DNAH9: variants seen among roughly 807,000 people sequenced by gnomAD.
DNAH9 encodes the protein dynein axonemal heavy chain 9.
Under a neutral mutation model 471.6 loss-of-function variants are expected in DNAH9, and 345 were observed. The ratio of observed to expected loss-of-function variants is 0.73; its 90% confidence interval spans 0.67 to 0.80. The LOEUF (loss-of-function observed/expected upper bound fraction) is 0.80. Among genes scored for constraint, DNAH9 ranks in the 30% least tolerant of loss-of-function variants. DNAH9 has a pLI of 0.00. For synonymous variants in DNAH9, 2,093 were observed against 2,123.6 expected (o/e 0.99, Z 0.40); for missense variants, 5,407 against 5,609.2 (o/e 0.96, Z 1.15).
intron 21 of DNAH9, 125 bp downstream of exon 21, chr17:11,694,123 T>G (rs1216736064): frequency 7.5e-7 from 1 of 1,341,688 alleles, no homozygotes; most frequent in Non-Finnish European, 1.0e-6. Context: ...TGCCTGTGTG[T>G]TTGGGTAGCA....
chr17:11,811,700 G>A (rs889473113), intron 45 of DNAH9, among the ~76,000 whole-genome samples: 4 of 151,988 alleles, frequency 2.6e-5, no homozygotes, highest in Non-Finnish European at 5.9e-5. Context: ...CTCTACCTAG[G>A]ACGAAGTCTT....
At chr17:11,695,184 G>A (rs960569171) in intron 22 of DNAH9, among the ~76,000 whole-genome samples, 10 of 151,382 alleles carry the variant, frequency 6.6e-5, no homozygotes, top group East Asian at 2.0e-4. Context: ...CACTGCACCC[G>A]GCCACCTCGG....
At chr17:11,858,710 G>A (rs1182935939) in intron 50 of DNAH9, among the ~76,000 whole-genome samples, 1 of 152,158 alleles carries the variant, frequency 6.6e-6, no homozygotes, top group Admixed American at 6.5e-5. Flanking sequence ...AAGGCTATAA[G>A]TTGTCCATTT....
At chr17:11,780,000 G>A (rs955962269) in intron 38 of DNAH9, among the ~76,000 whole-genome samples, 2 of 152,178 alleles carry the variant, frequency 1.3e-5, no homozygotes, top group Non-Finnish European at 2.9e-5. Context: ...ATGGTTCTCA[G>A]AGCTTCCAGC....
chr17:11,947,808 G>A (rs71362121), intron 67 of DNAH9, among the ~76,000 whole-genome samples: 1 of 128,810 alleles, frequency 7.8e-6, no homozygotes, highest in Non-Finnish European at 1.6e-5. Context: ...TTGAGACAGA[G>A]TCTTGCTCTG....
chr17:11,722,786 G>A (rs2075083812), intron 27 of DNAH9, among the ~76,000 whole-genome samples: 2 of 152,146 alleles, frequency 1.3e-5, no homozygotes, highest in Admixed American at 6.5e-5. Context: ...CACTTTCTCT[G>A]AAAATGACTG....
Position 11,823,032 on chromosome 17 carries a change from CA to C in DNAH9, c.9245del (p.Gln3082ArgfsTer5). On this transcript the variant is annotated frameshift_variant and splice_region_variant, in exon 48 of 69. Transcript: ENST00000262442. LOFTEE classifies it high-confidence loss of function. ...GCTGAAGCTGCATAGCACCTCTGCC[CA>C]GGTGAGCAATGTCCCGCTCCTTCCA... is the stretch of plus-strand genomic sequence containing the variant. ...GLLKLHSTSA[Q>X]VDDLKAKLAA... is the part of the protein sequence containing the mutation. 6.2e-7 allele frequency: 1 copy of C among 1,610,956 alleles called. No individual in the cohort carries two copies. The highest frequency in any genetic ancestry group is 8.5e-7 in the Non-Finnish European group (1 of 1,178,394).
chr17:11,709,550 G>C (rs75224440), intron 26 of DNAH9, among the ~76,000 whole-genome samples: 270 of 152,224 alleles, frequency 1.8e-3, no homozygotes, highest in African/African-American at 6.2e-3. Context: ...TTCATTAAAA[G>C]CTCACCCGTT....
intron 19 of DNAH9, among the ~76,000 whole-genome samples, chr17:11,685,945 T>C (rs1313231916): frequency 4.0e-5 from 6 of 151,744 alleles, no homozygotes; most frequent in Non-Finnish European, 8.8e-5. Flanking sequence ...GCTGGGACTA[T>C]AGGTGCATGC....
At chr17:11,721,083 T>G (rs2075049208) in intron 27 of DNAH9, among the ~76,000 whole-genome samples, 1 of 152,134 alleles carries the variant, frequency 6.6e-6, no homozygotes, top group Non-Finnish European at 1.5e-5. Flanking sequence ...GTGTATTGAT[T>G]GAAGAAAATC....
At chr17:11,957,406 C>T (rs553169605) in intron 67 of DNAH9, among the ~76,000 whole-genome samples, 2 of 152,056 alleles carry the variant, frequency 1.3e-5, no homozygotes, top group Non-Finnish European at 2.9e-5. Context: ...ATTCCTCCTG[C>T]TAAGTATAAA....
At chr17:11,631,131 A>G (rs932047882) in intron 7 of DNAH9, among the ~76,000 whole-genome samples, 1 of 152,094 alleles carries the variant, frequency 6.6e-6, no homozygotes, top group Admixed American at 6.5e-5. Flanking sequence ...TTTCCAGGAC[A>G]GGAACAAAGA....
Position 11,942,318 on chromosome 17 carries a change from G to A in DNAH9, c.12676G>A (p.Glu4226Lys), listed in dbSNP as rs1597855939. ...TREEKVKALL[E>K]EILERVTDEF... ...TGTGGGGCAGGTCAAGGCACTTCTG[G>A]AAGAAATATTGGAGCGGGTGACAGA... Residue 4226 changes from glutamate to lysine, a missense_variant, in exon 67 of 69, where the codon GAA (glutamate) becomes AAA (lysine). Around this residue, in one of 3 missense-constraint regions of DNAH9, gnomAD observed 4,636 missense variants for 4,900.3 expected, o/e 0.95. Transcript: ENST00000262442. 6.2e-7 allele frequency: 1 copy of A among 1,614,064 alleles called. No homozygotes were observed. Among genetic ancestry groups the A allele is most frequent in the Non-Finnish European group, 8.5e-7 (1 of 1,179,950 alleles).
At chr17:11,644,767 G>T in intron 11 of DNAH9, 68 bp downstream of exon 11, 3 of 1,126,044 alleles carry the variant, frequency 2.7e-6, no homozygotes, top group South Asian at 1.3e-5. Flanking sequence ...TTGCAGCTCC[G>T]AGTTTGTGCA....
rs143953217 is a variant in DNAH9 at position 11,937,357 on chromosome 17, C to G, written c.12495C>G (p.Ile4165Met). 2,227 of 1,603,564 alleles carry G rather than the reference C, an allele frequency of 1.4e-3. 3 individuals are homozygous for G. The highest frequency in any genetic ancestry group is 1.8e-3 in the Non-Finnish European group (2,082 of 1,175,460). The change falls in exon 66 of 69, where the codon ATC (isoleucine) becomes ATG (methionine). Residue 4165 changes from isoleucine to methionine, a missense_variant. Ile to Met is a conservative substitution (Grantham distance 10, BLOSUM62 1). Coordinates refer to ENST00000262442, the MANE Select transcript of DNAH9 (RefSeq NM_001372.4). This position sits in a 1 kb window ranked among gnomAD's most constrained non-coding sequence, Gnocchi z 4.1. ...NMDYNGYHQYIDAELPPESPY... is the reference protein window; with the variant it reads ...NMDYNGYHQYMDAELPPESPY... Reference sequence around the variant, plus strand: ...AGCTTGCCCTTGATTTTCAGTACATCGATGCTGAGCTGCCCCCAGAATCCC... The same window carrying G: ...AGCTTGCCCTTGATTTTCAGTACATGGATGCTGAGCTGCCCCCAGAATCCC...
chr17:11,950,810 A>AT (rs1264558497), intron 67 of DNAH9, among the ~76,000 whole-genome samples: 1 of 152,202 alleles, frequency 6.6e-6, no homozygotes, highest in Non-Finnish European at 1.5e-5. Flanking sequence ...GCCCAGGGAA[A>AT]TGACCAGAAA....
chr17:11,659,695 C>T (rs546998683), intron 14 of DNAH9, among the ~76,000 whole-genome samples: 1 of 152,360 alleles, frequency 6.6e-6, no homozygotes, highest in South Asian at 2.1e-4. Context: ...TCTATCCTCA[C>T]ATCCTCATCT....
At chr17:11,636,569 T>C in intron 8 of DNAH9, 65 bp from the exon 9 acceptor site, 1 of 1,344,450 alleles carries the variant, frequency 7.4e-7, no homozygotes, top group Non-Finnish European at 1.1e-6. Context: ...AACACTGGAT[T>C]TGTATAACCA....
intron 50 of DNAH9, among the ~76,000 whole-genome samples, chr17:11,861,218 TTCCTGTG>T (rs1971835759): frequency 6.6e-6 from 1 of 151,452 alleles, no homozygotes; most frequent in Non-Finnish European, 1.5e-5. Context: ...GATGTTCCCC[TTCCTGTG>T]TCCATGTGTT....
Sources: allele counts gnomAD v4.1 joint callset (sites outside exome capture counted in the v4.1 genomes callset), GRCh38; gene constraint gnomAD v4.1.1; regional missense constraint gnomAD v4.1.1; non-coding constraint Gnocchi (gnomAD v3.1); transcripts MANE v1.5; gene names NCBI Gene and HGNC (gene_info 2026-07-23, HGNC 2026-07-21).